The following ZNF454 variants were observed in gnomAD, a reference collection of about 807,000 sequenced individuals.
ZNF454 encodes the protein zinc finger protein 454.
Under a neutral mutation model 48.2 loss-of-function variants are expected in ZNF454, and 30 were observed. The ratio of observed to expected loss-of-function variants is 0.62; its 90% CI spans 0.47 to 0.84. The LOEUF (loss-of-function observed/expected upper bound fraction) is 0.84. Among genes scored for constraint, ZNF454 ranks in the 40% least tolerant of loss-of-function variants. The probability of loss-of-function intolerance (pLI) is 0.00; values close to 1 mark genes in which losing one functional copy is unlikely to be tolerated. For synonymous variants in ZNF454, 204 were observed against 211.4 expected (o/e 0.97, Z 0.30); for missense variants, 510 against 623.1 (o/e 0.82, Z 1.93).
chr5:178,943,579 T>C (rs772052590), intron 2 of ZNF454, among the ~76,000 whole-genome samples: 27 of 152,200 alleles, frequency 1.8e-4, no homozygotes, highest in African/African-American at 2.7e-4. Flanking sequence ...AAGAAGGGCA[T>C]TGTAGGAACA....
chr5:178,986,637 G>A, the ZNF454 span: 3 of 1,602,864 alleles, frequency 1.9e-6, no homozygotes, highest in Admixed American at 5.0e-5. Context: ...AGGCCTCGCA[G>A]TGCCAACAGC....
chr5:178,968,501 T>C (rs1451126528), downstream of ZNF454, among the ~76,000 whole-genome samples: 3 of 152,206 alleles, frequency 2.0e-5, no homozygotes, highest in African/African-American at 7.2e-5. Flanking sequence ...TCCTGTTAGC[T>C]GATCAGCAAC....
At chr5:178,953,693 A>G (rs138645572) in intron 4 of ZNF454, among the ~76,000 whole-genome samples, 55 of 152,284 alleles carry the variant, frequency 3.6e-4, no homozygotes, top group African/African-American at 1.3e-3. Context: ...GGATCATTCA[A>G]CTGGATAGAA....
the ZNF454 span, among the ~76,000 whole-genome samples, chr5:178,976,594 G>A: frequency 6.6e-6 from 1 of 152,100 alleles, no homozygotes; most frequent in Non-Finnish European, 1.5e-5. Context: ...AGGCTAATGG[G>A]GCCAGCAATT....
the ZNF454 span, among the ~76,000 whole-genome samples, chr5:178,976,361 G>A: frequency 1.3e-5 from 2 of 152,226 alleles, no homozygotes; most frequent in African/African-American, 4.8e-5. Flanking sequence ...TATGAGGGAA[G>A]CAGTTCCTGT....
intron 2 of ZNF454, among the ~76,000 whole-genome samples, chr5:178,945,216 G>A (rs1307975368): frequency 6.6e-6 from 1 of 151,542 alleles, no homozygotes; most frequent in Non-Finnish European, 1.5e-5. Context: ...CTGTGTGTTT[G>A]TGTGTGTGTC....
In ZNF454 at chr5:178,952,297, A is replaced by C. The variant is rs541196064; in HGVS notation, c.250+5311A>C. Among the ~76,000 whole-genome samples, 16 of 152,318 alleles carry C rather than the reference A, an allele frequency of 1.1e-4. No individual in the cohort carries two copies. In the East Asian group the frequency reaches 3.1e-3, roughly 29 times the overall value. On this transcript the variant is annotated intron_variant, in intron 4 of 4. Coordinates refer to ENST00000519564, the MANE Select transcript of ZNF454 (RefSeq NM_001178089.3). ...CGTGATCCGCCCGCCTCGGCCTCCC[A>C]AAGTGCTGGGATTACAGGCGTGAGC... is the stretch of plus-strand genomic sequence containing the variant.
At chr5:178,983,427 CA>C in the ZNF454 span, 1 of 701,064 alleles carries the variant, frequency 1.4e-6, no homozygotes. Flanking sequence ...GGGGTCCGTC[CA>C]AAGGCCCGTG....
At position 178,965,428 on chromosome 5, in the gene ZNF454, A is replaced by G; in HGVS notation, c.1024A>G (p.Ser342Gly). 3 of 1,614,076 alleles carry G rather than the reference A, an allele frequency of 1.9e-6. No homozygotes were observed. The change falls in exon 5 of 5, where the codon AGT (serine) becomes GGT (glycine). Residue 342 changes from serine to glycine, a missense_variant. Transcript: ENST00000519564. This position sits in a 1 kb window ranked among gnomAD's most constrained non-coding sequence, Gnocchi z 5.2. ...TGGAAAAGCCTTTAATCAGAGTACAAGTTTCCTTCAGCATCAGAGAATTCA... is the reference window on the plus strand; with the variant it reads ...TGGAAAAGCCTTTAATCAGAGTACAGGTTTCCTTCAGCATCAGAGAATTCA... ...ECGKAFNQST[S>G]FLQHQRIHTG...
downstream of ZNF454, among the ~76,000 whole-genome samples, chr5:178,970,852 G>A (rs753758842): frequency 6.6e-6 from 1 of 152,184 alleles, no homozygotes; most frequent in Non-Finnish European, 1.5e-5. Flanking sequence ...TGACACTAAT[G>A]CATGGCCAAA....
the ZNF454 span, chr5:178,985,899 C>T: frequency 4.2e-5 from 24 of 576,446 alleles, 1 homozygote; most frequent in South Asian, 3.9e-4. Context: ...GTAGCTAGGA[C>T]TACAGGCACG....
At chr5:178,968,955 C>T (rs367915374), downstream of ZNF454, 2 of 436,336 alleles carry the variant, frequency 4.6e-6, no homozygotes, top group African/African-American at 2.0e-5. Flanking sequence ...GTGCACTCTC[C>T]CTGAGTTCGC....
Position 178,960,836 on chromosome 5 carries a change from C to T in ZNF454, c.251-3819C>T, listed in dbSNP as rs1210064064. On this transcript the variant is annotated intron_variant, in intron 4 of 4. Transcript: ENST00000519564. ...AGCACCTTTCTTTTGTATGATATAT[C>T]CTTTTTAATTATTTTATTATTTCAG... is the stretch of plus-strand genomic sequence containing the variant. Among the ~76,000 whole-genome samples, 3 of 151,244 alleles carry T rather than the reference C, an allele frequency of 2.0e-5. No homozygotes were observed. The South Asian group carries it at 6.3e-4, about 32-fold the overall frequency.
At chr5:178,988,818 C>G in the ZNF454 span, 1 of 800,450 alleles carries the variant, frequency 1.2e-6, no homozygotes, top group Non-Finnish European at 2.1e-6. This position sits in a 1 kb window ranked among gnomAD's most constrained non-coding sequence, Gnocchi z 6.0. Context: ...CCAGGCACCC[C>G]CATTAGACCA....
At position 178,942,783 on chromosome 5, in the gene ZNF454, GA is replaced by G. The variant is rs776432827; in HGVS notation, c.-7del. 1 of 1,614,070 alleles carries G rather than the reference GA, an allele frequency of 6.2e-7. No homozygotes were observed. The highest frequency in any genetic ancestry group is 8.5e-7 in the Non-Finnish European group (1 of 1,179,986). ...CCTGTCCCTAAGAGGGCTCATCGGA[GA>G]AGAAAGAATGGCTGTCAGCCACCTG... On this transcript the variant is annotated 5_prime_UTR_variant, in exon 2 of 5. Transcript: ENST00000519564.
Position 178,965,830 on chromosome 5 carries a change from G to A in ZNF454, c.1426G>A (p.Ala476Thr). The A allele has an allele frequency of 6.2e-7, 1 of 1,614,124 alleles. No individual in the cohort carries two copies. Among genetic ancestry groups the A allele is most frequent in the Non-Finnish European group, 8.5e-7 (1 of 1,180,026 alleles). The change falls in exon 5 of 5, where the codon GCC (alanine) becomes ACC (threonine). Residue 476 changes from alanine (A) to threonine (T), a missense_variant. Ala to Thr is a moderately conservative substitution (Grantham distance 58). Coordinates refer to ENST00000519564, the MANE Select transcript of ZNF454 (RefSeq NM_001178089.3). This position sits in a 1 kb window ranked among gnomAD's most constrained non-coding sequence, Gnocchi z 5.2. ...KPYKCKICEKAFIRSTHLTQH... is the reference protein window; with the variant it reads ...KPYKCKICEKTFIRSTHLTQH... ...TTACAAATGTAAAATCTGTGAGAAA[G>A]CCTTTATCCGAAGCACTCACCTGAC...
chr5:178,978,992 T>A, the ZNF454 span: 2,819 of 152,290 alleles, frequency 0.019, 95 homozygotes, highest in African/African-American at 0.064. Context: ...TGGCTCACGT[T>A]TGTAATCCGA....
the ZNF454 span, chr5:178,986,157 G>A: frequency 1.2e-6 from 2 of 1,613,730 alleles, no homozygotes; most frequent in Non-Finnish European, 8.5e-7. Context: ...TGAAGGTGAT[G>A]ACCAGCTGTG....
chr5:178,973,618 C>A, the ZNF454 span, among the ~76,000 whole-genome samples: 1 of 152,000 alleles, frequency 6.6e-6, no homozygotes, highest in African/African-American at 2.4e-5. Flanking sequence ...CCGAAGCGGG[C>A]GGATCACAAG....
Sources: gnomAD v4.1 joint callset for allele counts (sites outside exome capture counted in the v4.1 genomes callset) on GRCh38, gnomAD v4.1.1 for gene constraint, Gnocchi (gnomAD v3.1) non-coding constraint, MANE v1.5 for transcripts, NCBI Gene and HGNC (gene_info 2026-07-23, HGNC 2026-07-21) for gene names.